NRXN3: variants seen among roughly 807,000 people sequenced by gnomAD.
NRXN3 encodes the protein neurexin 3.
NRXN3 carries 32 observed loss-of-function variants against 137.6 expected under a neutral mutation model. The ratio of observed to expected loss-of-function variants is 0.23; its 90% CI spans 0.18 to 0.31. NRXN3 has a LOEUF of 0.31. Among genes scored for constraint, NRXN3 ranks in the 10% least tolerant of loss-of-function variants. The probability of loss-of-function intolerance (pLI) is 1.00; values close to 1 mark genes in which losing one functional copy is unlikely to be tolerated. For missense variants in NRXN3, 1,574 were observed against 2,062.5 expected (o/e 0.76, Z 4.59); for synonymous variants, 798 against 784.5 (o/e 1.02, Z -0.29).
At chr14:79,696,442 T>C (rs1248085321) in intron 18 of NRXN3, among the ~76,000 whole-genome samples, 10 of 151,996 alleles carry the variant, frequency 6.6e-5, no homozygotes, top group Non-Finnish European at 1.3e-4. Context: ...GTATATTTAA[T>C]TCCATTAATA....
intron 4 of NRXN3, among the ~76,000 whole-genome samples, chr14:78,373,565 T>C (rs1021776598): frequency 2.0e-5 from 3 of 152,210 alleles, no homozygotes; most frequent in African/African-American, 7.2e-5. Context: ...ACAGTGCTTG[T>C]ATTATGTGGC....
intron 15 of NRXN3, among the ~76,000 whole-genome samples, chr14:79,332,877 G>A (rs2091883680): frequency 6.6e-6 from 1 of 152,154 alleles, no homozygotes; most frequent in South Asian, 2.1e-4. Flanking sequence ...ACTGTCTTAG[G>A]AAATACTAAG....
intron 20 of NRXN3, among the ~76,000 whole-genome samples, chr14:79,825,061 G>C (rs1240741661): frequency 2.0e-5 from 3 of 152,086 alleles, no homozygotes; most frequent in African/African-American, 7.2e-5. Flanking sequence ...ATTTTATTTT[G>C]TATTTGCTAC....
rs556979296 is a variant in NRXN3, at chr14:78,771,645, A to T, written c.2045-31975A>T. On this transcript the variant is annotated intron_variant, in intron 8 of 20. Coordinates refer to ENST00000335750, the MANE Select transcript of NRXN3 (RefSeq NM_001330195.2). ...CCTGGCAATAGGGAGCAACCTGCAG[A>T]CAGGGAATAAGAATGTACACAGAAT... 6.6e-4 allele frequency among the ~76,000 whole-genome samples: 101 copies of T among 152,344 alleles called. 2 individuals are homozygous for T. In the South Asian group the frequency reaches 0.021, roughly 31 times the overall value.
At chr14:79,474,697 G>A (rs1354647208) in intron 16 of NRXN3, among the ~76,000 whole-genome samples, 1 of 151,990 alleles carries the variant, frequency 6.6e-6, no homozygotes, top group African/African-American at 2.4e-5. Flanking sequence ...GCTTCCAAAG[G>A]GCTCTAGACT....
Position 78,386,679 on chromosome 14 carries a change from G to A in NRXN3, c.757+88819G>A, listed in dbSNP as rs535701190. Among the ~76,000 whole-genome samples, 285 of 152,328 alleles carry A rather than the reference G, an allele frequency of 1.9e-3. 1 individual carries two copies. Among genetic ancestry groups the A allele is most frequent in the Middle Eastern group, 3.4e-3 (1 of 294 alleles). On this transcript the variant is annotated intron_variant, in intron 4 of 20. Coordinates refer to ENST00000335750, the MANE Select transcript of NRXN3 (RefSeq NM_001330195.2). ...ACCTATGTCACAAAGCTAGCAAGTG[G>A]CAGAGGAAGAACTTGAATCCTGGAC...
At chr14:79,086,895 G>T (rs1229086858) in intron 15 of NRXN3, among the ~76,000 whole-genome samples, 1 of 152,192 alleles carries the variant, frequency 6.6e-6, no homozygotes, top group Admixed American at 6.5e-5. Context: ...TAAAACATTT[G>T]AATGGGAATT....
At chr14:79,805,614 GGAGCCATAAA>G (rs1406681020) in intron 20 of NRXN3, among the ~76,000 whole-genome samples, 1 of 152,008 alleles carries the variant, frequency 6.6e-6, no homozygotes, top group African/African-American at 2.4e-5. Context: ...ATTGGTAAGT[GGAGCCATAAA>G]GATTGGTAAA....
chr14:79,661,930 G>A (rs1166042299), intron 16 of NRXN3, among the ~76,000 whole-genome samples: 2 of 152,090 alleles, frequency 1.3e-5, no homozygotes, highest in African/African-American at 2.4e-5. Flanking sequence ...TAATCCCAAC[G>A]TGTTGTGGGA....
At chr14:78,907,219 G>A (rs2099220302) in intron 10 of NRXN3, among the ~76,000 whole-genome samples, 1 of 151,846 alleles carries the variant, frequency 6.6e-6, no homozygotes, top group Non-Finnish European at 1.5e-5. Context: ...TTGTTGCATG[G>A]TCTTATACAT....
At chr14:79,586,192 A>T (rs894096108) in intron 16 of NRXN3, among the ~76,000 whole-genome samples, 1 of 152,248 alleles carries the variant, frequency 6.6e-6, no homozygotes, top group African/African-American at 2.4e-5. Context: ...GTGGTATTTT[A>T]TATTATTTGT....
chr14:79,527,092 G>A (rs1288219732), intron 16 of NRXN3, among the ~76,000 whole-genome samples: 1 of 151,914 alleles, frequency 6.6e-6, no homozygotes, highest in African/African-American at 2.4e-5. Flanking sequence ...TCAGGAGTTC[G>A]AGACCAGCCT....
At chr14:79,837,576 T>C (rs982428854) in intron 20 of NRXN3, among the ~76,000 whole-genome samples, 25 of 152,278 alleles carry the variant, frequency 1.6e-4, no homozygotes, top group African/African-American at 6.0e-4. Context: ...CCCATCTCTT[T>C]CTCCATCGTG....
intron 19 of NRXN3, among the ~76,000 whole-genome samples, chr14:79,722,001 A>C: frequency 6.6e-6 from 1 of 152,144 alleles, no homozygotes; most frequent in East Asian, 1.9e-4. Context: ...CTGTGGAGTC[A>C]GACATTACAG....
intron 15 of NRXN3, among the ~76,000 whole-genome samples, chr14:79,404,677 G>A (rs111544031): frequency 2.0e-5 from 3 of 152,252 alleles, no homozygotes; most frequent in East Asian, 3.9e-4. Flanking sequence ...TTATGGGAAC[G>A]AAGAACTAAA....
In NRXN3 at chr14:78,235,023, T is replaced by TATATATATATATATAA. The variant is rs61371349; in HGVS notation, c.-703-7368_-703-7367insATATATATATATATAA. ...ATATATATATATATATATATATATA[T>TATATATATATATATAA]GTGTATATATATATGTGTGTGTGTG... is the stretch of plus-strand genomic sequence containing the variant. On this transcript the variant is annotated intron_variant, in intron 1 of 20. Coordinates refer to ENST00000335750, the MANE Select transcript of NRXN3 (RefSeq NM_001330195.2). 2.1e-3 allele frequency among the ~76,000 whole-genome samples: 207 copies of TATATATATATATATAA among 98,652 alleles called. 1 individual carries two copies. Among genetic ancestry groups the TATATATATATATATAA allele is most frequent in the African/African-American group, 9.0e-3 (202 of 22,566 alleles). The allele number at this position is 98,652 out of a possible 152,430, so 64.7% of individuals were successfully genotyped here.
chr14:79,247,579 A>G (rs2075360501), intron 15 of NRXN3, among the ~76,000 whole-genome samples: 1 of 152,144 alleles, frequency 6.6e-6, no homozygotes, highest in African/African-American at 2.4e-5. Flanking sequence ...ATTTTTCTAC[A>G]TTTCAAAAAT....
intron 4 of NRXN3, among the ~76,000 whole-genome samples, chr14:78,324,781 C>T (rs1567263778): frequency 6.6e-6 from 1 of 151,878 alleles, no homozygotes; most frequent in Non-Finnish European, 1.5e-5. Context: ...TTCAAGCTGG[C>T]CAGGGGGGAA....
intron 16 of NRXN3, among the ~76,000 whole-genome samples, chr14:79,579,843 A>G (rs1457541813): frequency 6.6e-6 from 1 of 152,132 alleles, no homozygotes; most frequent in Non-Finnish European, 1.5e-5. Context: ...TTTGTTGCTA[A>G]CTATAGTCAC....
Sources: gnomAD v4.1 joint callset for allele counts (sites outside exome capture counted in the v4.1 genomes callset) on GRCh38, gnomAD v4.1.1 for gene constraint, MANE v1.5 for transcripts, NCBI Gene and HGNC (gene_info 2026-07-23, HGNC 2026-07-21) for gene names.